GTF2H1: variants seen among roughly 807,000 people sequenced by gnomAD.
The protein encoded by GTF2H1 is general transcription factor IIH subunit 1.
GTF2H1 carries 16 observed loss-of-function variants against 71.2 expected under a neutral mutation model. The observed-to-expected ratio is 0.22, with a 90% confidence interval of 0.15 to 0.34. The LOEUF (loss-of-function observed/expected upper bound fraction) is 0.34, where lower values mean the gene tolerates loss of function less well. GTF2H1 is among the 10% of genes least tolerant of loss of function. The probability of loss-of-function intolerance (pLI) is 1.00; values close to 1 mark genes in which losing one functional copy is unlikely to be tolerated. For missense variants in GTF2H1, 498 were observed against 648.2 expected, an observed-to-expected ratio of 0.77 and a Z score of 2.52; for synonymous variants, 215 against 219.0, an observed-to-expected ratio of 0.98 and a Z score of 0.16.
intron 11 of GTF2H1, among the ~76,000 whole-genome samples, chr11:18,353,529 T>C (rs1014935950): frequency 2.6e-5 from 4 of 152,244 alleles, no homozygotes; most frequent in Non-Finnish European, 5.9e-5. Flanking sequence ...TCTTTAGAAT[T>C]CCCTTAGCCC....
chr11:18,332,820 T>G (rs1164921260), intron 1 of GTF2H1: 1 of 302,202 alleles, frequency 3.3e-6, no homozygotes, highest in Non-Finnish European at 6.1e-6. Flanking sequence ...ATAATACTCA[T>G]TAGCATATAA....
intron 7 of GTF2H1, among the ~76,000 whole-genome samples, chr11:18,345,236 T>G (rs1415701238): frequency 6.6e-6 from 1 of 152,066 alleles, no homozygotes; most frequent in East Asian, 1.9e-4. Context: ...ATTAAAAAGT[T>G]GCGTGCTTCA....
chr11:18,359,805 G>A (rs1294729138), intron 13 of GTF2H1, among the ~76,000 whole-genome samples: 1 of 151,524 alleles, frequency 6.6e-6, no homozygotes, highest in Non-Finnish European at 1.5e-5. Flanking sequence ...CTACCTTCTG[G>A]GCTGAGGTGA....
chr11:18,350,078 G>T (rs546800602), intron 9 of GTF2H1, among the ~76,000 whole-genome samples: 2 of 152,292 alleles, frequency 1.3e-5, no homozygotes, highest in South Asian at 2.1e-4. Context: ...TAAGTCAGGG[G>T]CTATCAGTAT....
chr11:18,363,967 G>A (rs557227677), intron 14 of GTF2H1, among the ~76,000 whole-genome samples: 194 of 152,108 alleles, frequency 1.3e-3, no homozygotes, highest in African/African-American at 4.2e-3. Flanking sequence ...CCAGCTACTC[G>A]GGAAGTTGAG....
intron 7 of GTF2H1, chr11:18,347,236 TG>T (rs1434904999): frequency 5.9e-6 from 1 of 168,728 alleles, no homozygotes; most frequent in Non-Finnish European, 1.3e-5. Context: ...TAGCCGGGCG[TG>T]GTGGCAGGCG....
At position 18,339,673 on chromosome 11, in the gene GTF2H1, T is replaced by C. The variant is rs375569213; in HGVS notation, c.607+16T>C. On this transcript the variant is annotated intron_variant, in intron 5 of 14. Coordinates refer to ENST00000265963, the MANE Select transcript of GTF2H1 (RefSeq NM_005316.4). ...TATCCAGCAGGTAAGAAGAATCAGT[T>C]CTTTCAGATGGTTAAAATATATGGA... 8.0e-6 allele frequency: 11 copies of C among 1,379,550 alleles called. No homozygotes were observed. The East Asian group carries it at 1.1e-4, about 14-fold the overall frequency. 85.5% of individuals were successfully genotyped at this position (1,379,550 alleles called of 1,614,324 possible).
intron 11 of GTF2H1, among the ~76,000 whole-genome samples, chr11:18,354,336 C>G (rs1338869711): frequency 1.3e-5 from 2 of 152,224 alleles, no homozygotes; most frequent in African/African-American, 2.4e-5. Flanking sequence ...AAAAAGTTAA[C>G]TATTTTTCCC....
chr11:18,354,506 C>T (rs545764483), intron 11 of GTF2H1, among the ~76,000 whole-genome samples: 92 of 151,648 alleles, frequency 6.1e-4, no homozygotes, highest in Non-Finnish European at 1.0e-3. Flanking sequence ...GTCATAGCTC[C>T]GTTCAACCTC....
At chr11:18,332,274 G>T (rs1163634865) in intron 1 of GTF2H1, among the ~76,000 whole-genome samples, 2 of 152,222 alleles carry the variant, frequency 1.3e-5, no homozygotes, top group African/African-American at 4.8e-5. Context: ...TGGCATATAT[G>T]TGGCATTGGT....
chr11:18,347,765 G>C (rs1298226273), intron 8 of GTF2H1, 50 bp downstream of exon 8: 6 of 1,601,910 alleles, frequency 3.7e-6, no homozygotes, highest in Admixed American at 1.7e-5. Context: ...AGGATATCCA[G>C]ATGGAGTTGT....
intron 13 of GTF2H1, among the ~76,000 whole-genome samples, chr11:18,359,672 C>T (rs1241655536): frequency 6.6e-6 from 1 of 152,066 alleles, no homozygotes; most frequent in Non-Finnish European, 1.5e-5. Context: ...GTTAGAGAAG[C>T]ATTTGGTATA....
rs368816340 is a variant in GTF2H1, at chr11:18,350,931, A to C, written c.1054-950A>C. Among the ~76,000 whole-genome samples the C allele has an allele frequency of 2.3e-4, 35 of 152,374 alleles. No homozygotes were observed. The East Asian group carries it at 6.0e-3, about 26-fold the overall frequency. ...AAAATTAATGAATAAAATTACTAAA[A>C]GAGTCCAGAAGTAAACCCAAATACG... On this transcript the variant is annotated intron_variant, in intron 9 of 14. Transcript: ENST00000265963.
At chr11:18,343,105 A>G (rs570183543) in intron 7 of GTF2H1, among the ~76,000 whole-genome samples, 1 of 152,282 alleles carries the variant, frequency 6.6e-6, no homozygotes, top group South Asian at 2.1e-4. Flanking sequence ...TATTTTTAGT[A>G]CAGGCGGGGT....
intron 9 of GTF2H1, 101 bp from the exon 10 acceptor site, chr11:18,351,780 A>G: frequency 6.3e-6 from 4 of 638,780 alleles, no homozygotes; most frequent in South Asian, 6.2e-5. Context: ...TGGTGGGAAG[A>G]CTTCATTTTT....
intron 7 of GTF2H1, among the ~76,000 whole-genome samples, chr11:18,342,171 G>T (rs1393980253): frequency 1.3e-5 from 2 of 151,544 alleles, no homozygotes; most frequent in African/African-American, 4.9e-5. Context: ...CTGTCTTCTA[G>T]GCCAGAACTT....
At position 18,335,936 on chromosome 11, in the gene GTF2H1, G is replaced by A. The variant is rs1865016580; in HGVS notation, c.337G>A (p.Glu113Lys). The stretch of plus-strand genomic sequence containing the variant: ...GAGGAAAGCAAATAAAGAACTGGAA[G>A]AGAAGAACAGGTGGGAGGAAAAGAA... The part of the protein sequence containing the change: ...FKRKANKELE[E>K]KNRMLQEDPV... The change falls in exon 3 of 15, where the codon GAG (glutamate) becomes AAG (lysine). Residue 113 changes from glutamate (E) to lysine (K), a missense_variant. Physicochemically the swap from Glu to Lys is moderately conservative, Grantham distance 56. Transcript: ENST00000265963. The A allele has an allele frequency of 6.2e-7, 1 of 1,613,552 alleles. No homozygotes were observed. The highest frequency in any genetic ancestry group is 1.7e-5 in the Admixed American group (1 of 59,988).
intron 7 of GTF2H1, among the ~76,000 whole-genome samples, chr11:18,345,991 C>T (rs1338753155): frequency 4.6e-5 from 7 of 151,702 alleles, no homozygotes; most frequent in South Asian, 4.2e-4. Flanking sequence ...AGGATTTCAC[C>T]GTGTTAGCCA....
intron 9 of GTF2H1, among the ~76,000 whole-genome samples, chr11:18,350,790 G>C (rs988822540): frequency 6.6e-6 from 1 of 152,156 alleles, no homozygotes; most frequent in Admixed American, 6.5e-5. Context: ...TTTCAAGGCT[G>C]ATTTGCACAA....
Sources: gnomAD v4.1 joint callset for allele counts (sites outside exome capture counted in the v4.1 genomes callset) on GRCh38, gnomAD v4.1.1 for gene constraint, MANE v1.5 for transcripts, NCBI Gene and HGNC (gene_info 2026-07-23, HGNC 2026-07-21) for gene names.